Variants in SRCIN1 observed in about 807,000 individuals in gnomAD.
SRCIN1 encodes the protein P130Cas-associated protein.
SRCIN1 carries 50 observed loss-of-function variants against 116.2 expected under a neutral mutation model. The ratio of observed to expected loss-of-function variants is 0.43; its 90% CI spans 0.34 to 0.54. The LOEUF (loss-of-function observed/expected upper bound fraction) is 0.54. Ranked by LOEUF, SRCIN1 falls within the 20% of genes least tolerant of loss-of-function variation. The pLI is 0.02. For missense variants in SRCIN1, 1,446 were observed against 1,672.0 expected, an observed-to-expected ratio of 0.86 and a Z score of 2.36; for synonymous variants, 736 against 750.0, an observed-to-expected ratio of 0.98 and a Z score of 0.30.
chr17:38,572,175 G>GC lies in SRCIN1; in HGVS notation c.325-3945_325-3944insG, dbSNP rs1907118881. Among the ~76,000 whole-genome samples the GC allele has an allele frequency of 6.6e-6, 1 of 152,160 alleles. No homozygotes were observed. Among genetic ancestry groups the GC allele is most frequent in the African/African-American group, 2.4e-5 (1 of 41,434 alleles). ...CTTAATCCCCTGGCTGTGCTGCACC[G>GC]GTGCACACACCCACCTCTCAACTCC... On this transcript the variant is annotated intron_variant, in intron 2 of 18. Transcript: ENST00000617146. The surrounding 1 kb of genome is among the most constrained non-coding windows in gnomAD (Gnocchi z 4.3).
intron 1 of SRCIN1, among the ~76,000 whole-genome samples, chr17:38,592,434 G>A (rs760099199): frequency 5.3e-5 from 8 of 152,172 alleles, no homozygotes; most frequent in Non-Finnish European, 8.8e-5. Context: ...CCTGTTACCC[G>A]GGACAGGTAC....
intron 18 of SRCIN1, among the ~76,000 whole-genome samples, chr17:38,537,626 C>G (rs1904470380): frequency 6.6e-6 from 1 of 151,770 alleles, no homozygotes; most frequent in African/African-American, 2.4e-5. Flanking sequence ...CCTGTCTCTA[C>G]TAAAAATACG....
At chr17:38,587,743 A>G (rs1299960857) in intron 1 of SRCIN1, among the ~76,000 whole-genome samples, 1 of 152,150 alleles carries the variant, frequency 6.6e-6, no homozygotes, top group Admixed American at 6.5e-5. Context: ...CCCGGCCGAC[A>G]GGGAGAAAAG....
In SRCIN1 at chr17:38,562,116, G is replaced by A. The variant is rs1333815853; in HGVS notation, c.1047C>T (p.Ala349=). ...CGGCCGGGGCGCCTCCCAGCCTCTC[G>A]GCCGCGTGGTGCACCGGGCTGCCGG... ...SYAGSPVHHA[A]ERLGGAPAAQ... is the part of the protein sequence containing the mutation. Residue 349 remains alanine (A), a synonymous_variant, in exon 7 of 19, where the codon GCC becomes GCT. Coordinates refer to ENST00000617146, the MANE Select transcript of SRCIN1 (RefSeq NM_025248.3). The surrounding 1 kb of genome is among the most constrained non-coding windows in gnomAD (Gnocchi z 4.2). The A allele has an allele frequency of 3.6e-6, 5 of 1,399,656 alleles. No individual in the cohort carries two copies. The highest frequency in any genetic ancestry group is 6.8e-5 in the Admixed American group (2 of 29,448). 86.7% of individuals were successfully genotyped at this position (1,399,656 alleles called of 1,614,324 possible).
Position 38,561,394 on chromosome 17 carries a change from TCTG to T in SRCIN1, c.1700+66_1700+68del. Reference sequence around the variant, plus strand: ...TCCAGGACACACACCTGCCACGGACTCTGCTGTGAACCCTCTCCGCAGCGCACC... The same window carrying T: ...TCCAGGACACACACCTGCCACGGACTCTGTGAACCCTCTCCGCAGCGCACC... On this transcript the variant is annotated intron_variant, in intron 7 of 18. Coordinates refer to ENST00000617146, the MANE Select transcript of SRCIN1 (RefSeq NM_025248.3). 2.1e-6 allele frequency: 3 copies of T among 1,414,430 alleles called. No homozygotes were observed. In the South Asian group the frequency reaches 4.5e-5, roughly 21 times the overall value. The allele number at this position is 1,414,430 out of a possible 1,614,324, so 87.6% of individuals were successfully genotyped here.
In SRCIN1 at chr17:38,559,816, G is replaced by A. The variant is rs758670688; in HGVS notation, c.1838-44C>T. 2.1e-5 allele frequency: 31 copies of A among 1,466,402 alleles called. No homozygotes were observed. In the South Asian group the frequency reaches 4.2e-4, roughly 20 times the overall value. The allele number at this position is 1,466,402 out of a possible 1,614,324, so 90.8% of individuals were successfully genotyped here. Reference sequence around the variant, plus strand: ...ATGGGAGAAAGTGAACAAACTGTGAGCCTGGGAAGGACTGGGCTGGGACAA... The same window carrying A: ...ATGGGAGAAAGTGAACAAACTGTGAACCTGGGAAGGACTGGGCTGGGACAA... On this transcript the variant is annotated intron_variant, in intron 9 of 18. Coordinates refer to ENST00000617146, the MANE Select transcript of SRCIN1 (RefSeq NM_025248.3).
In SRCIN1 at chr17:38,551,815, T is replaced by C. The variant is rs1266492979; in HGVS notation, c.2727+71A>G. ...GACCCACAGGATTGGCACTCCCCAC[T>C]CTAGGAAGGATGGTCGTAAGAATGT... On this transcript the variant is annotated intron_variant, in intron 14 of 18. Coordinates refer to ENST00000617146, the MANE Select transcript of SRCIN1 (RefSeq NM_025248.3). The C allele has an allele frequency of 1.3e-5, 21 of 1,604,706 alleles. No individual in the cohort carries two copies. The Middle Eastern group carries it at 6.6e-4, about 50-fold the overall frequency.
Position 38,562,391 on chromosome 17 carries a change from T to C in SRCIN1, c.835-63A>G. ...CACCAAGGACACCCCTGTCCCTTGC[T>C]TGAGGAGCCAGCATCTCCTCCCTGA... On this transcript the variant is annotated intron_variant, in intron 6 of 18. Coordinates refer to ENST00000617146, the MANE Select transcript of SRCIN1 (RefSeq NM_025248.3). This position sits in a 1 kb window ranked among gnomAD's most constrained non-coding sequence, Gnocchi z 4.2. The C allele has an allele frequency of 1.4e-6, 2 of 1,385,098 alleles. No homozygotes were observed. Among genetic ancestry groups the C allele is most frequent in the Middle Eastern group, 1.9e-4 (1 of 5,138 alleles). The allele number at this position is 1,385,098 out of a possible 1,614,324, so 85.8% of individuals were successfully genotyped here. A position where few individuals can be genotyped will look rare whatever the true frequency, so the allele number is the denominator to read the frequency against.
intron 1 of SRCIN1, among the ~76,000 whole-genome samples, chr17:38,583,832 C>T (rs1907959934): frequency 1.3e-5 from 2 of 152,166 alleles, no homozygotes; most frequent in African/African-American, 4.8e-5. Context: ...GGATTACAGG[C>T]GTGAGCCACC....
At position 38,589,148 on chromosome 17, in the gene SRCIN1, T is replaced by G. The variant is rs144352848; in HGVS notation, c.23-10357A>C. 6.0e-4 allele frequency among the ~76,000 whole-genome samples: 91 copies of G among 152,290 alleles called. No homozygotes were observed. In the East Asian group the frequency reaches 0.015, roughly 25 times the overall value. ...CCTCACCAGCACTCTCCACCTGACC[T>G]CAGGTGATCCACCTGCCTCGGCCTC... On this transcript the variant is annotated intron_variant, in intron 1 of 18. Transcript: ENST00000617146.
At position 38,551,173 on chromosome 17, in the gene SRCIN1, T is replaced by C; in HGVS notation, c.2944A>G (p.Ser982Gly). Reference protein sequence around the residue: ...GQKAAPRTEPSGRRGSDELTV... With the variant: ...GQKAAPRTEPGGRRGSDELTV... ...CCCATACCTGAGCCCCTCCTCCCAC[T>C]GGGCTCCGTTCGGGGGGCTGCCTTC... Residue 982 changes from serine (S) to glycine (G), a missense_variant, in exon 15 of 19, where the codon AGT becomes GGT. Around this residue, in one of 5 missense-constraint regions of SRCIN1, gnomAD observed 531 missense variants for 633.9 expected, o/e 0.84. Coordinates refer to ENST00000617146, the MANE Select transcript of SRCIN1 (RefSeq NM_025248.3). 1.9e-6 allele frequency: 3 copies of C among 1,559,504 alleles called. No homozygotes were observed. The highest frequency in any genetic ancestry group is 8.7e-7 in the Non-Finnish European group (1 of 1,143,000).
chr17:38,594,010 A>G (rs1908581421), intron 1 of SRCIN1, among the ~76,000 whole-genome samples: 1 of 152,220 alleles, frequency 6.6e-6, no homozygotes, highest in Non-Finnish European at 1.5e-5. Context: ...TAAGGTACTG[A>G]GCTCCCCATC....
At position 38,533,418 on chromosome 17, in the gene SRCIN1, G is replaced by C. The variant is rs752682054; in HGVS notation, c.3431C>G (p.Ser1144Cys). Residue 1144 changes from serine (S) to cysteine (C), a missense_variant, in exon 19 of 19, where the codon TCT becomes TGT. By Grantham distance (112) the Ser-to-Cys change is moderately radical. Around this residue, in one of 5 missense-constraint regions of SRCIN1, gnomAD observed 531 missense variants for 633.9 expected, o/e 0.84. Transcript: ENST00000617146. The stretch of plus-strand genomic sequence containing the variant: ...CTCATTCGACCCGCTCATCTCTTTA[G>C]ATGGTTTAGTGGCCTGGAACAAAAA... ...IQAQQQATKP[S>C]KEMSGSNETS... is the part of the protein sequence containing the mutation. 6.8e-6 allele frequency: 11 copies of C among 1,613,334 alleles called. No individual in the cohort carries two copies. Among genetic ancestry groups the C allele is most frequent in the Non-Finnish European group, 4.2e-6 (5 of 1,179,726 alleles).
chr17:38,561,976 T>A lies in SRCIN1; in HGVS notation c.1187A>T (p.Tyr396Phe). 1 of 1,491,614 alleles carries A rather than the reference T, an allele frequency of 6.7e-7. No individual in the cohort carries two copies. The highest frequency in any genetic ancestry group is 2.1e-4 in the Middle Eastern group (1 of 4,700). 92.4% of individuals were successfully genotyped at this position (1,491,614 alleles called of 1,614,324 possible). A position where few individuals can be genotyped will look rare whatever the true frequency, so the allele number is the denominator to read the frequency against. ...GMVLVKGEGL[Y>F]ADPYGLLHEG... ...GTGCAGCAGCCCGTAGGGGTCAGCA[T>A]AGAGGCCCTCGCCTTTCACCAGCAC... The change falls in exon 7 of 19, where the codon TAT (tyrosine) becomes TTT (phenylalanine). Residue 396 changes from tyrosine to phenylalanine, a missense_variant. Physicochemically the swap from Tyr to Phe is conservative, Grantham distance 22. This residue lies in a region of SRCIN1 where 239 missense variants were observed against 317.7 expected (regional missense o/e 0.75). Coordinates refer to ENST00000617146, the MANE Select transcript of SRCIN1 (RefSeq NM_025248.3).
chr17:38,572,527 G>C lies in SRCIN1; in HGVS notation c.325-4296C>G, dbSNP rs1027971221. On this transcript the variant is annotated intron_variant, in intron 2 of 18. Transcript: ENST00000617146. The surrounding 1 kb of genome is among the most constrained non-coding windows in gnomAD (Gnocchi z 4.3). ...GGGGAGGGGAGGAGGCGTTTCTCAG[G>C]GATCGGGAACCTGCAATGGCCTGGA... 1.3e-5 allele frequency: 2 copies of C among 152,114 alleles called. No homozygotes were observed. Among genetic ancestry groups the C allele is most frequent in the African/African-American group, 2.4e-5 (1 of 41,414 alleles). The allele number at this position is 152,114 out of a possible 1,614,324, so 9.4% of individuals were successfully genotyped here.
In SRCIN1 at chr17:38,558,441, G is replaced by A. The variant is rs1905962877; in HGVS notation, c.2026-39C>T. On this transcript the variant is annotated intron_variant, in intron 10 of 18. Coordinates refer to ENST00000617146, the MANE Select transcript of SRCIN1 (RefSeq NM_025248.3). The surrounding 1 kb of genome is among the most constrained non-coding windows in gnomAD (Gnocchi z 4.6). ...GGACGGATGGACCCGGGTGGGGGGA[G>A]CGGAGCCGCGAGGCAGGGGAAGGGC... is the stretch of plus-strand genomic sequence containing the variant. The A allele has an allele frequency of 1.1e-5, 17 of 1,548,162 alleles. No homozygotes were observed. The highest frequency in any genetic ancestry group is 1.5e-5 in the Non-Finnish European group (17 of 1,154,764).
chr17:38,572,830 C>T lies in SRCIN1; in HGVS notation c.325-4599G>A, dbSNP rs1380803852. 1 of 152,244 alleles carries T rather than the reference C, an allele frequency of 6.6e-6. No homozygotes were observed. Among genetic ancestry groups the T allele is most frequent in the African/African-American group, 2.4e-5 (1 of 41,314 alleles). 9.4% of individuals were successfully genotyped at this position (152,244 alleles called of 1,614,324 possible). ...CCCTTTGCTGCAATGCGAGAGCCGC[C>T]GCGGCCGCCGCCGTGCCGGCCCGGG... On this transcript the variant is annotated intron_variant, in intron 2 of 18. Coordinates refer to ENST00000617146, the MANE Select transcript of SRCIN1 (RefSeq NM_025248.3). The surrounding 1 kb of genome is among the most constrained non-coding windows in gnomAD (Gnocchi z 4.3).
rs1402535047 is a variant in SRCIN1 at position 38,544,577 on chromosome 17, A to C, written c.3271-608T>G. On this transcript the variant is annotated intron_variant, in intron 17 of 18. Transcript: ENST00000617146. This position sits in a 1 kb window ranked among gnomAD's most constrained non-coding sequence, Gnocchi z 4.5. The stretch of plus-strand genomic sequence containing the variant: ...ACAGGAAGGGGAGGGGAGCATGGGG[A>C]TGGAAGGTGGGGAGAGAACTTTATT... The C allele has an allele frequency of 6.6e-6, 1 of 152,278 alleles. No individual in the cohort carries two copies. The highest frequency in any genetic ancestry group is 1.9e-4 in the East Asian group (1 of 5,170). 9.4% of individuals were successfully genotyped at this position (152,278 alleles called of 1,614,324 possible). A position where few individuals can be genotyped will look rare whatever the true frequency, so the allele number is the denominator to read the frequency against.
intron 1 of SRCIN1, 95 bp downstream of exon 1, chr17:38,605,589 C>T (rs545064325): frequency 5.7e-6 from 6 of 1,057,596 alleles, no homozygotes; most frequent in South Asian, 3.5e-5. Context: ...CCGCCGCCCC[C>T]GCCCCCGGCC....
Sources: gnomAD v4.1 joint callset for allele counts (sites outside exome capture counted in the v4.1 genomes callset) on GRCh38, gnomAD v4.1.1 for gene constraint, gnomAD v4.1.1 regional missense constraint, Gnocchi (gnomAD v3.1) non-coding constraint, MANE v1.5 for transcripts, NCBI Gene and HGNC (gene_info 2026-07-23, HGNC 2026-07-21) for gene names.